EXOC4: variants seen among roughly 807,000 people sequenced by gnomAD.
The protein encoded by EXOC4 is SEC8-like 1.
A neutral mutation model predicts 107.2 loss-of-function variants in EXOC4; 71 were observed. The observed-to-expected ratio is 0.66, with a 90% confidence interval of 0.55 to 0.81. EXOC4 has a LOEUF of 0.81. EXOC4 is among the 30% of genes least tolerant of loss of function. The pLI, the probability that EXOC4 is intolerant of heterozygous loss-of-function variation, is 0.00. For synonymous variants in EXOC4, 456 were observed against 441.2 expected, an observed-to-expected ratio of 1.03 and a Z score of -0.42; for missense variants, 1,108 against 1,189.6, an observed-to-expected ratio of 0.93 and a Z score of 1.01.
chr7:133,445,965 G>A (rs900917950), intron 7 of EXOC4, among the ~76,000 whole-genome samples: 7 of 149,738 alleles, frequency 4.7e-5, no homozygotes, highest in Non-Finnish European at 7.4e-5. Flanking sequence ...GTAGTGAGCC[G>A]AGATTATAAT....
intron 3 of EXOC4, among the ~76,000 whole-genome samples, chr7:133,293,173 T>G (rs764407572): frequency 6.6e-6 from 1 of 152,194 alleles, no homozygotes; most frequent in Non-Finnish European, 1.5e-5. Flanking sequence ...CAATAAACAA[T>G]GATTTGTATA....
chr7:133,604,178 T>C (rs554171949), intron 9 of EXOC4, among the ~76,000 whole-genome samples: 86 of 152,336 alleles, frequency 5.6e-4, no homozygotes, highest in Admixed American at 1.7e-3. Flanking sequence ...TCAGCTCTTA[T>C]GATAACAGTG....
the EXOC4 span, among the ~76,000 whole-genome samples, chr7:134,076,435 G>A: frequency 6.6e-5 from 10 of 151,972 alleles, no homozygotes; most frequent in African/African-American, 2.4e-4. Flanking sequence ...GGAGAATGGT[G>A]TGAACCTAGG....
In EXOC4 at chr7:133,393,460, A is replaced by G. The variant is rs549338166; in HGVS notation, c.1182+18458A>G. Among the ~76,000 whole-genome samples the G allele has an allele frequency of 3.3e-5, 5 of 152,290 alleles. No individual in the cohort carries two copies. In the East Asian group the frequency reaches 9.6e-4, roughly 29 times the overall value. On this transcript the variant is annotated intron_variant, in intron 7 of 17. Transcript: ENST00000253861. ...AATGAGTAGTAGATACTCTATACAT[A>G]TCTATTGATTGATTTAAGATTTGCT...
intron 6 of EXOC4, among the ~76,000 whole-genome samples, chr7:133,368,594 C>T (rs920856017): frequency 5.3e-5 from 8 of 152,066 alleles, no homozygotes; most frequent in African/African-American, 1.2e-4. Flanking sequence ...TTCTGAGGAA[C>T]GTGAAATTTG....
intron 14 of EXOC4, among the ~76,000 whole-genome samples, chr7:133,981,138 C>A (rs1793969390): frequency 6.6e-6 from 1 of 152,192 alleles, no homozygotes; most frequent in Admixed American, 6.5e-5. Context: ...TTCTAACATG[C>A]TTCAGAGGAG....
intron 17 of EXOC4, among the ~76,000 whole-genome samples, chr7:134,045,250 G>A (rs1270136496): frequency 6.6e-6 from 1 of 152,114 alleles, no homozygotes; most frequent in East Asian, 1.9e-4. Flanking sequence ...TTCTCGTAAG[G>A]GTTACTCATT....
intron 10 of EXOC4, among the ~76,000 whole-genome samples, chr7:133,789,575 C>CCCGTTGCTGATCCTAGGT (rs1796660825): frequency 6.6e-6 from 1 of 152,174 alleles, no homozygotes; most frequent in Non-Finnish European, 1.5e-5. Context: ...GGATTCTAGG[C>CCCGTTGCTGATCCTAGGT]CCGTTGCTGA....
At chr7:133,455,930 A>G (rs1448771781) in intron 7 of EXOC4, among the ~76,000 whole-genome samples, 3 of 152,202 alleles carry the variant, frequency 2.0e-5, no homozygotes, top group African/African-American at 7.2e-5. Flanking sequence ...ACTGAGAATT[A>G]TTGCAATAGG....
At chr7:133,541,386 C>G (rs1435412547) in intron 9 of EXOC4, among the ~76,000 whole-genome samples, 1 of 152,190 alleles carries the variant, frequency 6.6e-6, no homozygotes, top group Non-Finnish European at 1.5e-5. Context: ...TGGCTGTAAA[C>G]ACTTGGGAAT....
Position 133,601,348 on chromosome 7 carries a change from TATGTGTGTGTAC to T in EXOC4, c.1418-28692_1418-28681del, listed in dbSNP as rs1313963604. Reference sequence around the variant, plus strand: ...CTTTGGAGGCCTGTATGTATGTATGTATGTGTGTGTACATGTATGTGTATATATTTATATATA... The same window carrying T: ...CTTTGGAGGCCTGTATGTATGTATGTATGTATGTGTATATATTTATATATA... On this transcript the variant is annotated intron_variant, in intron 9 of 17. Transcript: ENST00000253861. Among the ~76,000 whole-genome samples the T allele has an allele frequency of 5.3e-5, 8 of 152,248 alleles. No homozygotes were observed. In the East Asian group the frequency reaches 1.5e-3, roughly 29 times the overall value.
chr7:133,632,246 T>C (rs1802609357), intron 10 of EXOC4, among the ~76,000 whole-genome samples: 1 of 152,068 alleles, frequency 6.6e-6, no homozygotes. Context: ...CTCCCAGTGG[T>C]TTTACTCACT....
chr7:133,408,368 G>C (rs1563054634), intron 7 of EXOC4, among the ~76,000 whole-genome samples: 1 of 151,440 alleles, frequency 6.6e-6, no homozygotes, highest in Non-Finnish European at 1.5e-5. Context: ...GATGGTGGAG[G>C]TGATGGTGGT....
intron 13 of EXOC4, among the ~76,000 whole-genome samples, chr7:133,921,897 T>C (rs1294816384): frequency 3.9e-5 from 6 of 152,148 alleles, no homozygotes; most frequent in African/African-American, 1.4e-4. Context: ...TTCTTAGATA[T>C]TCTGTTGTTT....
chr7:133,747,286 G>A (rs538653407), intron 10 of EXOC4, among the ~76,000 whole-genome samples: 1 of 152,198 alleles, frequency 6.6e-6, no homozygotes, highest in African/African-American at 2.4e-5. Context: ...TATAATATTG[G>A]AAAGTATTGC....
chr7:134,085,883 C>T, the EXOC4 span, among the ~76,000 whole-genome samples: 1 of 152,268 alleles, frequency 6.6e-6, no homozygotes, highest in East Asian at 1.9e-4. Flanking sequence ...GAAAAAGCTC[C>T]AACATATCAC....
chr7:133,289,169 C>G (rs1794348992), intron 3 of EXOC4, 53 bp downstream of exon 3: 2 of 1,459,102 alleles, frequency 1.4e-6, no homozygotes, highest in African/African-American at 1.4e-5. Flanking sequence ...TAAAAGCACT[C>G]TCTTTTATTC....
At chr7:133,604,158 C>T (rs1009911861) in intron 9 of EXOC4, among the ~76,000 whole-genome samples, 19 of 152,172 alleles carry the variant, frequency 1.2e-4, no homozygotes, top group Middle Eastern at 3.2e-3. Flanking sequence ...CAATATCATG[C>T]ATGGAGCTGT....
chr7:133,627,081 G>A (rs1802474126), intron 9 of EXOC4, among the ~76,000 whole-genome samples: 1 of 152,116 alleles, frequency 6.6e-6, no homozygotes, highest in South Asian at 2.1e-4. Flanking sequence ...ATTCCTGGTG[G>A]GAAAAAGTGA....
Sources: allele counts gnomAD v4.1 joint callset (sites outside exome capture counted in the v4.1 genomes callset), GRCh38; gene constraint gnomAD v4.1.1; transcripts MANE v1.5; gene names NCBI Gene and HGNC (gene_info 2026-07-23, HGNC 2026-07-21).